The following PPIE variants were observed in gnomAD, a reference collection of about 807,000 sequenced individuals.
PPIE encodes the protein peptidyl-prolyl cis-trans isomerase E.
In PPIE, 20 loss-of-function variants were observed where a neutral mutation model predicts 38.4. The ratio of observed to expected loss-of-function variants is 0.52; its 90% CI spans 0.37 to 0.76. The LOEUF is 0.76. PPIE is among the 30% of genes least tolerant of loss of function. The pLI, the probability that PPIE is intolerant of heterozygous loss-of-function variation, is 0.00. For synonymous variants in PPIE, 142 were observed against 135.7 expected (o/e 1.05, Z -0.32); for missense variants, 322 against 385.8 (o/e 0.83, Z 1.39).
At chr1:39,762,703 G>T in intron 9 of PPIE, 1 of 1,470,096 alleles carries the variant, frequency 6.8e-7, no homozygotes, top group South Asian at 1.4e-5. Context: ...TATCACGGGC[G>T]GTCAGACTTG....
chr1:39,744,436 T>C (rs1166825953), intron 6 of PPIE, among the ~76,000 whole-genome samples: 3 of 152,250 alleles, frequency 2.0e-5, no homozygotes, highest in Non-Finnish European at 2.9e-5. Flanking sequence ...TGACAGTTGC[T>C]TCCTGGGCGT....
At position 39,741,936 on chromosome 1, in the gene PPIE, C is replaced by G; in HGVS notation, c.201+15C>G. The G allele has an allele frequency of 1.2e-6, 2 of 1,614,124 alleles. No homozygotes were observed. Among genetic ancestry groups the G allele is most frequent in the South Asian group, 2.2e-5 (2 of 91,074 alleles). On this transcript the variant is annotated intron_variant, in intron 4 of 9. Coordinates refer to ENST00000324379, the MANE Select transcript of PPIE (RefSeq NM_006112.4). ...TCGACAACATGGTATGGCTGGGAAT[C>G]TTAATTCTAACTAAAGTTGCTTTTT...
chr1:39,739,653 C>G (rs760251102), intron 1 of PPIE, among the ~76,000 whole-genome samples: 2 of 152,066 alleles, frequency 1.3e-5, no homozygotes, highest in Non-Finnish European at 2.9e-5. Flanking sequence ...AGCTACGTAA[C>G]CGAAGCAGAG....
In PPIE at chr1:39,754,950, G is replaced by A. The variant is rs1557460101; in HGVS notation, c.*1595G>A. On this transcript the variant is annotated 3_prime_UTR_variant, in exon 10 of 10. Transcript: ENST00000324379. The stretch of plus-strand genomic sequence containing the variant: ...CCTAGCCAAATTGACACACAAAATA[G>A]ACCATCACAGTCCCAAGGCCTAAAA... 2 of 941,506 alleles carry A rather than the reference G, an allele frequency of 2.1e-6. No individual in the cohort carries two copies. Among genetic ancestry groups the A allele is most frequent in the Non-Finnish European group, 2.5e-6 (2 of 790,126 alleles). 58.3% of individuals were successfully genotyped at this position (941,506 alleles called of 1,614,324 possible).
At chr1:39,762,949 T>A in intron 9 of PPIE, 1 of 1,056,710 alleles carries the variant, frequency 9.5e-7, no homozygotes, top group Non-Finnish European at 1.4e-6. Flanking sequence ...CTGTGGGAAG[T>A]TAGCGACGTT....
Position 39,738,908 on chromosome 1 carries a change from C to T in PPIE, c.8C>T (p.Thr3Ile), listed in dbSNP as rs771607640. Residue 3 changes from threonine to isoleucine, a missense_variant, in exon 1 of 10, where the codon ACC becomes ATC. By Grantham distance (89) the Thr-to-Ile change is moderately conservative. Transcript: ENST00000324379. ...GAAAAGCGCGCGAGCAAGATGGCCA[C>T]CACCAAGCGCGTCTTGTACGTGGGT... MA[T>I]TKRVLYVGGL... 2.7e-6 allele frequency: 4 copies of T among 1,506,398 alleles called. No individual in the cohort carries two copies. The highest frequency in any genetic ancestry group is 5.4e-5 in the East Asian group (2 of 37,314). 93.3% of individuals were successfully genotyped at this position (1,506,398 alleles called of 1,614,324 possible). A position where few individuals can be genotyped will look rare whatever the true frequency, so the allele number is the denominator to read the frequency against.
At chr1:39,746,481 A>G (rs1259010174) in intron 7 of PPIE, 3 of 152,194 alleles carry the variant, frequency 2.0e-5, no homozygotes, top group South Asian at 4.1e-4. Flanking sequence ...TCATTATGGT[A>G]CCTCAGCCCT....
At chr1:39,758,722 C>T (rs1648553158), downstream of PPIE, 3 of 152,402 alleles carry the variant, frequency 2.0e-5, no homozygotes, top group Middle Eastern at 6.8e-3. Flanking sequence ...GGTCTCTTCA[C>T]CTCCAGGCCA....
chr1:39,740,256 T>C lies in PPIE; in HGVS notation c.123T>C (p.Tyr41=). Residue 41 remains tyrosine (Y), a synonymous_variant, in exon 2 of 10, where the codon TAT becomes TAC. Coordinates refer to ENST00000324379, the MANE Select transcript of PPIE (RefSeq NM_006112.4). The part of the protein sequence containing the change: ...DITDIQIPLD[Y]ETEKHRGFAF... ...CAGATATTCAGATTCCTCTGGATTA[T>C]GAAACAGGTGAGTTAGTGTCTCTCA... 5 of 1,612,876 alleles carry C rather than the reference T, an allele frequency of 3.1e-6. No homozygotes were observed. Among genetic ancestry groups the C allele is most frequent in the Non-Finnish European group, 4.2e-6 (5 of 1,178,936 alleles).
At chr1:39,739,044 G>C in intron 1 of PPIE, 113 bp downstream of exon 1, 1 of 1,218,472 alleles carries the variant, frequency 8.2e-7, no homozygotes, top group Non-Finnish European at 1.1e-6. Context: ...TGTCAAGGCC[G>C]GGTCTCTGGC....
Position 39,752,893 on chromosome 1 carries a change from G to A in PPIE, c.695-17G>A, listed in dbSNP as rs1334691390. 2 of 1,608,620 alleles carry A rather than the reference G, an allele frequency of 1.2e-6. No individual in the cohort carries two copies. The highest frequency in any genetic ancestry group is 1.7e-5 in the Admixed American group (1 of 58,228). ...GTAGCCAGGGTTCGGGGAGCTGATG[G>A]TTGTTCTCTCCCTCAGGTCTACTAT... is the stretch of plus-strand genomic sequence containing the variant. On this transcript the variant is annotated splice_polypyrimidine_tract_variant and intron_variant, in intron 8 of 9. Transcript: ENST00000324379.
In PPIE at chr1:39,738,916, C is replaced by T. The variant is rs766699936; in HGVS notation, c.16C>T (p.Arg6Cys). The T allele has an allele frequency of 2.7e-6, 4 of 1,502,496 alleles. No homozygotes were observed. The highest frequency in any genetic ancestry group is 2.7e-5 in the East Asian group (1 of 37,316). The allele number at this position is 1,502,496 out of a possible 1,614,324, so 93.1% of individuals were successfully genotyped here. A position where few individuals can be genotyped will look rare whatever the true frequency, so the allele number is the denominator to read the frequency against. MATTKRVLYVGGLAEE... is the reference protein window; with the variant it reads MATTKCVLYVGGLAEE... The stretch of plus-strand genomic sequence containing the variant: ...CGCGAGCAAGATGGCCACCACCAAG[C>T]GCGTCTTGTACGTGGGTGAGCAGGA... The change falls in exon 1 of 10, where the codon CGC (arginine) becomes TGC (cysteine). Residue 6 changes from arginine (R) to cysteine (C), a missense_variant. Transcript: ENST00000324379.
intron 6 of PPIE, among the ~76,000 whole-genome samples, chr1:39,744,793 A>T (rs1198505465): frequency 2.6e-5 from 4 of 152,190 alleles, no homozygotes; most frequent in African/African-American, 9.7e-5. Flanking sequence ...CATCACAGTC[A>T]GTGGAGTCCC....
In PPIE at chr1:39,755,224, C is replaced by T. The variant is rs761108376; in HGVS notation, c.*1869C>T. 3.3e-5 allele frequency: 33 copies of T among 985,340 alleles called. No individual in the cohort carries two copies. The highest frequency in any genetic ancestry group is 4.0e-5 in the Non-Finnish European group (33 of 829,944). 61.0% of individuals were successfully genotyped at this position (985,340 alleles called of 1,614,324 possible). A position where few individuals can be genotyped will look rare whatever the true frequency, so the allele number is the denominator to read the frequency against. ...CTCCTGTGGGTTGGGTCACTCAGAC[C>T]ATTCAGAATCCACTGAGCTGAGCTT... On this transcript the variant is annotated 3_prime_UTR_variant, in exon 10 of 10. Coordinates refer to ENST00000324379, the MANE Select transcript of PPIE (RefSeq NM_006112.4).
rs2124381748 is a variant in PPIE at position 39,755,639 on chromosome 1, G to A, written c.*2284G>A. On this transcript the variant is annotated 3_prime_UTR_variant, in exon 10 of 10. Transcript: ENST00000324379. ...AGAGTGTGTAGAAAAAGCACAGCCA[G>A]CCTCCCATAAAAGGACAGACTCCTG... 1 of 985,404 alleles carries A rather than the reference G, an allele frequency of 1.0e-6. No homozygotes were observed. The highest frequency in any genetic ancestry group is 4.7e-5 in the South Asian group (1 of 21,288). The allele number at this position is 985,404 out of a possible 1,614,324, so 61.0% of individuals were successfully genotyped here.
rs1182806879 is a variant in PPIE, at chr1:39,745,567, T to TA, written c.508+70dup. On this transcript the variant is annotated intron_variant, in intron 7 of 9. Transcript: ENST00000324379. ...GAGCAGTGAGCCTTTCCCAGGTTCTTACTGCTTCACTTCTTGTGTCCTTGA... is the reference window on the plus strand; with the variant it reads ...GAGCAGTGAGCCTTTCCCAGGTTCTTAACTGCTTCACTTCTTGTGTCCTTGA... 99 of 1,606,856 alleles carry TA rather than the reference T, an allele frequency of 6.2e-5. 1 individual carries two copies. The highest frequency in any genetic ancestry group is 7.8e-5 in the Non-Finnish European group (92 of 1,174,954).
chr1:39,757,326 TA>T (rs1440994076), downstream of PPIE: 3 of 152,268 alleles, frequency 2.0e-5, no homozygotes, highest in Non-Finnish European at 1.5e-5. Context: ...TTAGTCTTTA[TA>T]ATAGCTTTGG....
At chr1:39,760,418 C>A (rs917666228), downstream of PPIE, 8 of 1,613,688 alleles carry the variant, frequency 5.0e-6, no homozygotes, top group Admixed American at 8.3e-5. Context: ...GGCGGGTGGA[C>A]TCAGTGGCAG....
At chr1:39,739,489 A>G (rs1243319392) in intron 1 of PPIE, among the ~76,000 whole-genome samples, 1 of 152,190 alleles carries the variant, frequency 6.6e-6, no homozygotes, top group Non-Finnish European at 1.5e-5. Flanking sequence ...CCAGAAAAAA[A>G]GTGGAATTAC....
Sources: allele counts gnomAD v4.1 joint callset (sites outside exome capture counted in the v4.1 genomes callset), GRCh38; gene constraint gnomAD v4.1.1; transcripts MANE v1.5; gene names NCBI Gene and HGNC (gene_info 2026-07-23, HGNC 2026-07-21).